The following PRSS3 variants were observed in gnomAD, a reference collection of about 807,000 sequenced individuals.
The protein encoded by PRSS3 is trypsin-3.
In PRSS3, 14 loss-of-function variants were observed where a neutral mutation model predicts 20.8. The observed-to-expected ratio is 0.67, with a 90% CI of 0.44 to 1.05. The LOEUF (loss-of-function observed/expected upper bound fraction) is 1.05, where lower values mean the gene tolerates loss of function less well. Among genes scored for constraint, PRSS3 ranks in the 50% least tolerant of loss-of-function variants. The probability of loss-of-function intolerance (pLI) is 0.00; values close to 1 mark genes in which losing one functional copy is unlikely to be tolerated. For synonymous variants in PRSS3, 91 were observed against 117.6 expected (o/e 0.77, Z 1.46); for missense variants, 237 against 306.4 (o/e 0.77, Z 1.69).
At chr9:33,795,096 C>G (rs1361716028), upstream of PRSS3, among the ~76,000 whole-genome samples, 2 of 152,212 alleles carry the variant, frequency 1.3e-5, no homozygotes, top group Non-Finnish European at 2.9e-5. Flanking sequence ...CAAAAATGAG[C>G]CTTAGATAAG....
At chr9:33,769,644 G>A (rs1206056560) in intron 1 of PRSS3, among the ~76,000 whole-genome samples, 1 of 152,248 alleles carries the variant, frequency 6.6e-6, no homozygotes, top group Non-Finnish European at 1.5e-5. Flanking sequence ...CCTGAAGCTA[G>A]TTCAGAGATC....
At chr9:33,784,583 T>G (rs762829069) in intron 1 of PRSS3, among the ~76,000 whole-genome samples, 1 of 152,238 alleles carries the variant, frequency 6.6e-6, no homozygotes, top group Non-Finnish European at 1.5e-5. Flanking sequence ...CTTTGAAATA[T>G]GGGTAAGTCC....
intron 1 of PRSS3, among the ~76,000 whole-genome samples, chr9:33,757,942 G>A (rs1177703701): frequency 2.0e-5 from 3 of 152,062 alleles, no homozygotes; most frequent in South Asian, 2.1e-4. Context: ...ACTCTAAGTC[G>A]AATTTCCAGG....
chr9:33,765,930 A>G (rs982731455), intron 1 of PRSS3, among the ~76,000 whole-genome samples: 5 of 152,184 alleles, frequency 3.3e-5, no homozygotes, highest in Non-Finnish European at 7.3e-5. Context: ...GTGAATAAAT[A>G]AAATGTGACA....
At chr9:33,770,722 T>C (rs1823647816) in intron 1 of PRSS3, among the ~76,000 whole-genome samples, 1 of 152,122 alleles carries the variant, frequency 6.6e-6, no homozygotes, top group African/African-American at 2.4e-5. Flanking sequence ...TGAGAGAAGA[T>C]GGCCACCTCC....
At chr9:33,794,760 C>T (rs1189830821), upstream of PRSS3, 9 of 1,549,154 alleles carry the variant, frequency 5.8e-6, no homozygotes, top group East Asian at 4.9e-5. Context: ...CCAGGACAAC[C>T]GTGAGGCTGC....
chr9:33,755,940 A>G lies in PRSS3; in HGVS notation c.-53+5213A>G, dbSNP rs555523238. 2.6e-5 allele frequency among the ~76,000 whole-genome samples: 4 copies of G among 152,294 alleles called. No individual in the cohort carries two copies. In the East Asian group the frequency reaches 5.8e-4, roughly 22 times the overall value. On this transcript the variant is annotated intron_variant, in intron 1 of 5. Coordinates refer to the PRSS3 transcript ENST00000342836. ...GTTGTGATTTATTTTCTCATTCTAA[A>G]TACATACATACATACGCACTTTTTT...
upstream of PRSS3, among the ~76,000 whole-genome samples, chr9:33,791,998 T>C (rs1165801459): frequency 6.6e-6 from 1 of 152,162 alleles, no homozygotes; most frequent in East Asian, 1.9e-4. Context: ...ATTTAGCTGA[T>C]CAGCCTTGAC....
chr9:33,753,214 A>G (rs758386855), intron 1 of PRSS3, among the ~76,000 whole-genome samples: 1 of 152,174 alleles, frequency 6.6e-6, no homozygotes, highest in African/African-American at 2.4e-5. Context: ...TCTGACTTGA[A>G]CTGTCAGAAT....
At chr9:33,770,961 T>C (rs951351116) in intron 1 of PRSS3, among the ~76,000 whole-genome samples, 1 of 152,186 alleles carries the variant, frequency 6.6e-6, no homozygotes, top group Non-Finnish European at 1.5e-5. Context: ...CCACATATTA[T>C]ATAATTCAAT....
chr9:33,797,584 C>A (rs1184152652), intron 2 of PRSS3, among the ~76,000 whole-genome samples: 1 of 152,260 alleles, frequency 6.6e-6, no homozygotes, highest in Non-Finnish European at 1.5e-5. Flanking sequence ...GGTTGAGGAG[C>A]AGCCTCTGGT....
At chr9:33,783,924 G>C (rs1447670446) in intron 1 of PRSS3, among the ~76,000 whole-genome samples, 2 of 150,778 alleles carry the variant, frequency 1.3e-5, no homozygotes, top group African/African-American at 4.9e-5. Context: ...GGAGGAGTCA[G>C]ATTTACATAA....
At position 33,796,897 on chromosome 9, in the gene PRSS3, A is replaced by T. The variant is rs541597222; in HGVS notation, c.200+95A>T. On this transcript the variant is annotated intron_variant, in intron 2 of 4. Coordinates refer to ENST00000379405, the MANE Select transcript of PRSS3 (RefSeq NM_002771.4). Reference sequence around the variant, plus strand: ...GAAGTACTGAGGTTGGGTAAGACGGATGGGAGAGGTGGTGGAAAAGAAAAC... The same window carrying T: ...GAAGTACTGAGGTTGGGTAAGACGGTTGGGAGAGGTGGTGGAAAAGAAAAC... 9.2e-5 allele frequency: 147 copies of T among 1,600,326 alleles called. 1 individual carries two copies. In the South Asian group the frequency reaches 1.3e-3, roughly 14 times the overall value.
intron 1 of PRSS3, among the ~76,000 whole-genome samples, chr9:33,754,991 T>C (rs775911051): frequency 1.2e-4 from 19 of 152,210 alleles, no homozygotes; most frequent in Admixed American, 1.3e-4. Context: ...TTTGTTTGTT[T>C]TACTAAAAAG....
chr9:33,786,531 C>T (rs1370636949), intron 1 of PRSS3: 1 of 764,150 alleles, frequency 1.3e-6, no homozygotes, highest in East Asian at 2.4e-5. Context: ...GAACTAGGCT[C>T]TGTGTTCAGT....
At chr9:33,789,961 T>A (rs1587394177) in intron 1 of PRSS3, among the ~76,000 whole-genome samples, 1 of 152,276 alleles carries the variant, frequency 6.6e-6, no homozygotes, top group African/African-American at 2.4e-5. Context: ...AAATGTAGGG[T>A]TTTTTTATAA....
chr9:33,794,430 C>T (rs191709176), upstream of PRSS3, among the ~76,000 whole-genome samples: 18 of 152,286 alleles, frequency 1.2e-4, no homozygotes, highest in East Asian at 3.5e-3. Context: ...GTCAATTACA[C>T]AACTGTGTCT....
chr9:33,786,769 TCTGA>T (rs1824428858), intron 1 of PRSS3: 1 of 765,770 alleles, frequency 1.3e-6, no homozygotes, highest in South Asian at 1.3e-5. Context: ...CATTCTCAAC[TCTGA>T]CTGTGAGCAA....
chr9:33,795,637 GC>G, intron 1 of PRSS3, 24 bp downstream of exon 1: 1 of 1,612,422 alleles, frequency 6.2e-7, no homozygotes, highest in Non-Finnish European at 8.5e-7. Context: ...CCTGCCTCAG[GC>G]CCCACCCACC....
Sources: gnomAD v4.1 joint callset for allele counts (sites outside exome capture counted in the v4.1 genomes callset) on GRCh38, gnomAD v4.1.1 for gene constraint, MANE v1.5 for transcripts, NCBI Gene and HGNC (gene_info 2026-07-23, HGNC 2026-07-21) for gene names.